SLC35A5: variants seen among roughly 807,000 people sequenced by gnomAD.
The protein encoded by SLC35A5 is UDP-sugar transporter protein SLC35A5.
SLC35A5 carries 28 observed loss-of-function variants against 36.3 expected under a neutral mutation model. The observed-to-expected ratio is 0.77, with a 90% CI of 0.57 to 1.06. The LOEUF is 1.06. Ranked by LOEUF, SLC35A5 falls within the 50% of genes least tolerant of loss-of-function variation. The probability of loss-of-function intolerance (pLI) is 0.00; values close to 1 mark genes in which losing one functional copy is unlikely to be tolerated. For missense variants in SLC35A5, 521 were observed against 499.3 expected (o/e 1.04, Z -0.41); for synonymous variants, 180 against 173.7 (o/e 1.04, Z -0.29).
In SLC35A5 at chr3:112,580,943, A is replaced by G; in HGVS notation, c.826A>G (p.Ile276Val). ...IQNSKLYFFG[I>V]LFNGLTLGLQ... is the part of the protein sequence containing the mutation. ...GAACAGCAAACTCTATTTCTTTGGC[A>G]TTCTGTTTAATGGGCTGACTCTGGG... Residue 276 changes from isoleucine (I) to valine (V), a missense_variant, in exon 6 of 7, where the codon ATT (isoleucine) becomes GTT (valine). Coordinates refer to ENST00000492406, the MANE Select transcript of SLC35A5 (RefSeq NM_017945.5). 1 of 1,614,128 alleles carries G rather than the reference A, an allele frequency of 6.2e-7. No individual in the cohort carries two copies. Among genetic ancestry groups the G allele is most frequent in the Admixed American group, 1.7e-5 (1 of 60,010 alleles).
rs1213318778 is a variant in SLC35A5 at position 112,582,659 on chromosome 3, G to A, written c.1210-12G>A. The A allele has an allele frequency of 6.2e-7, 1 of 1,607,596 alleles. No individual in the cohort carries two copies. The highest frequency in any genetic ancestry group is 8.5e-7 in the Non-Finnish European group (1 of 1,175,490). On this transcript the variant is annotated splice_polypyrimidine_tract_variant and intron_variant, in intron 6 of 6. Coordinates refer to ENST00000492406, the MANE Select transcript of SLC35A5 (RefSeq NM_017945.5). ...GTTTTGTTCTAATTACTGCTTTCAT[G>A]TTTCCTTTTAGGATGGAGAAGAACT...
chr3:112,576,825 G>A (rs972220173), intron 5 of SLC35A5, among the ~76,000 whole-genome samples: 4 of 152,144 alleles, frequency 2.6e-5, no homozygotes, highest in African/African-American at 9.7e-5. Flanking sequence ...TCTTTTTGGA[G>A]TTGGTGGTGT....
At chr3:112,573,772 A>G (rs1457596165) in intron 4 of SLC35A5, 117 bp from the exon 5 acceptor site, 8 of 748,652 alleles carry the variant, frequency 1.1e-5, no homozygotes, top group Middle Eastern at 2.4e-4. Flanking sequence ...TGCTACCTTA[A>G]TAACCCCTCT....
intron 5 of SLC35A5, among the ~76,000 whole-genome samples, chr3:112,576,218 C>T (rs1452331716): frequency 6.6e-6 from 1 of 151,914 alleles, no homozygotes; most frequent in African/African-American, 2.4e-5. Flanking sequence ...ACCTCCGCCT[C>T]CTGGGTTCAA....
At chr3:112,561,573 G>A (rs758041102), upstream of SLC35A5, 14 of 1,585,768 alleles carry the variant, frequency 8.8e-6, no homozygotes, top group South Asian at 1.1e-5. Flanking sequence ...GATGGAAAGT[G>A]CAGCCGTGTC....
At chr3:112,582,330 C>G (rs773040151) in intron 6 of SLC35A5, among the ~76,000 whole-genome samples, 92 of 152,182 alleles carry the variant, frequency 6.0e-4, no homozygotes, top group Non-Finnish European at 1.2e-3. Context: ...CCGATAATGC[C>G]ATTTGCTCTA....
At chr3:112,582,381 A>G (rs1576764775) in intron 6 of SLC35A5, among the ~76,000 whole-genome samples, 1 of 152,162 alleles carries the variant, frequency 6.6e-6, no homozygotes, top group African/African-American at 2.4e-5. Context: ...AACAAGGCCT[A>G]TGAAGACCTA....
chr3:112,562,500 G>A (rs1933966797), intron 1 of SLC35A5, among the ~76,000 whole-genome samples: 1 of 152,170 alleles, frequency 6.6e-6, no homozygotes, highest in African/African-American at 2.4e-5. Flanking sequence ...CCTACAGTAC[G>A]CTGGGAGGCT....
intron 4 of SLC35A5, among the ~76,000 whole-genome samples, chr3:112,572,354 G>T (rs1229293465): frequency 2.6e-5 from 4 of 151,990 alleles, no homozygotes; most frequent in Non-Finnish European, 4.4e-5. Context: ...TAGTTCAAAG[G>T]CAGGGAACTG....
intron 4 of SLC35A5, among the ~76,000 whole-genome samples, 175 bp from the exon 5 acceptor site, chr3:112,573,714 C>T (rs1015177747): frequency 2.0e-5 from 3 of 152,178 alleles, no homozygotes; most frequent in African/African-American, 4.8e-5. Context: ...ATCATATCTA[C>T]GTAAATTTGA....
intron 2 of SLC35A5, among the ~76,000 whole-genome samples, chr3:112,568,120 C>T (rs1366542511): frequency 1.3e-5 from 2 of 152,172 alleles, no homozygotes; most frequent in Non-Finnish European, 2.9e-5. Flanking sequence ...TTCCATTTCA[C>T]TTCACACACT....
At chr3:112,569,320 G>A in intron 3 of SLC35A5, 51 bp downstream of exon 3, 1 of 1,383,330 alleles carries the variant, frequency 7.2e-7, no homozygotes, top group Non-Finnish European at 1.0e-6. Context: ...ACCAAAAAAT[G>A]TTAGAACTGG....
chr3:112,563,582 ATC>A lies in SLC35A5; in HGVS notation c.130+57_130+58del, dbSNP rs766921208. 6 of 1,493,410 alleles carry A rather than the reference ATC, an allele frequency of 4.0e-6. No individual in the cohort carries two copies. In the South Asian group the frequency reaches 6.7e-5, roughly 17 times the overall value. The allele number at this position is 1,493,410 out of a possible 1,614,324, so 92.5% of individuals were successfully genotyped here. On this transcript the variant is annotated intron_variant, in intron 2 of 6. Coordinates refer to ENST00000492406, the MANE Select transcript of SLC35A5 (RefSeq NM_017945.5). ...ATGGAGCACTTCCATCTAATCACACATCTCTCTCTTGCCTTTGGTTCTGTTAT... is the reference window on the plus strand; with the variant it reads ...ATGGAGCACTTCCATCTAATCACACATCTCTCTTGCCTTTGGTTCTGTTAT...
rs955791943 is a variant in SLC35A5, at chr3:112,584,252, CTT to C, written c.*1518_*1519del. The C allele has an allele frequency of 2.6e-5, 4 of 152,128 alleles. No homozygotes were observed. The highest frequency in any genetic ancestry group is 2.6e-4 in the Admixed American group (4 of 15,250). The allele number at this position is 152,128 out of a possible 1,614,324, so 9.4% of individuals were successfully genotyped here. On this transcript the variant is annotated 3_prime_UTR_variant, in exon 7 of 7. Coordinates refer to ENST00000492406, the MANE Select transcript of SLC35A5 (RefSeq NM_017945.5). ...ACAAAAACCTACACAACTTTTAAAA[CTT>C]TCTCTTTAAGTAGATCTTTACTTCT...
chr3:112,563,609 T>C, intron 2 of SLC35A5, 76 bp downstream of exon 2: 1 of 1,348,320 alleles, frequency 7.4e-7, no homozygotes, highest in Non-Finnish European at 9.8e-7. Flanking sequence ...GGTTCTGTTA[T>C]ATATAACATG....
At chr3:112,561,447 C>T (rs762258315), upstream of SLC35A5, 43 of 1,611,978 alleles carry the variant, frequency 2.7e-5, no homozygotes, top group Admixed American at 3.3e-5. Context: ...GCAACCCTGG[C>T]CTGGCTTACC....
chr3:112,561,845 C>G (rs1933903036), upstream of SLC35A5: 1 of 366,454 alleles, frequency 2.7e-6, no homozygotes, highest in African/African-American at 2.2e-5. Flanking sequence ...CGCACACGCA[C>G]CCCTCGCCCT....
In SLC35A5 at chr3:112,579,769, T is replaced by C. The variant is rs73855824; in HGVS notation, c.429-777T>C. Among the ~76,000 whole-genome samples the C allele has an allele frequency of 4.1e-3, 629 of 152,330 alleles. 3 individuals carry two copies. The highest frequency in any genetic ancestry group is 0.014 in the African/African-American group (597 of 41,586). On this transcript the variant is annotated intron_variant, in intron 5 of 6. Transcript: ENST00000492406. ...TCATTGTTTTCTCACTGTTAAAGCA[T>C]AAATTCCTTGAACATGGAGATAAGT... is the stretch of plus-strand genomic sequence containing the variant.
chr3:112,567,507 G>T (rs539279575), intron 2 of SLC35A5, among the ~76,000 whole-genome samples: 2 of 152,252 alleles, frequency 1.3e-5, no homozygotes, highest in South Asian at 4.1e-4. Flanking sequence ...TTGACCAGAC[G>T]TGGTTTTACC....
Sources: gnomAD v4.1 joint callset for allele counts (sites outside exome capture counted in the v4.1 genomes callset) on GRCh38, gnomAD v4.1.1 for gene constraint, MANE v1.5 for transcripts, NCBI Gene and HGNC (gene_info 2026-07-23, HGNC 2026-07-21) for gene names.